Variants in CSMD3 observed in about 807,000 individuals in gnomAD.
CSMD3 encodes CUB and Sushi multiple domains 3, also known as CUB and sushi domain-containing protein 3.
A neutral mutation model predicts 435.2 loss-of-function variants in CSMD3; 177 were observed. The observed-to-expected ratio is 0.41, with a 90% CI of 0.36 to 0.46. CSMD3 has a LOEUF of 0.46. Among genes scored for constraint, CSMD3 ranks in the 20% least tolerant of loss-of-function variants. The pLI is 0.34. For synonymous variants in CSMD3, 1,656 were observed against 1,520.5 expected (o/e 1.09, Z -2.07); for missense variants, 4,265 against 4,504.6 (o/e 0.95, Z 1.52).
At chr8:113,215,977 G>C (rs1011193382) in intron 3 of CSMD3, among the ~76,000 whole-genome samples, 1 of 151,570 alleles carries the variant, frequency 6.6e-6, no homozygotes, top group African/African-American at 2.4e-5. Context: ...AAAAAGGCAG[G>C]GAGAACAGCA....
intron 31 of CSMD3, among the ~76,000 whole-genome samples, chr8:112,491,387 G>A (rs1274511828): frequency 6.6e-6 from 1 of 152,102 alleles, no homozygotes; most frequent in East Asian, 1.9e-4. Flanking sequence ...GGGTGCAGTG[G>A]CTCACTCCTG....
chr8:112,732,169 A>G (rs2077088987), intron 13 of CSMD3, among the ~76,000 whole-genome samples: 1 of 152,094 alleles, frequency 6.6e-6, no homozygotes, highest in Admixed American at 6.6e-5. Flanking sequence ...GCTATACTCT[A>G]GAGACCACAC....
chr8:113,248,843 A>AAAATT (rs1206697966), intron 3 of CSMD3, among the ~76,000 whole-genome samples: 1 of 151,960 alleles, frequency 6.6e-6, no homozygotes, highest in East Asian at 1.9e-4. Context: ...GAACTTTCTA[A>AAAATT]AAACAGCTTA....
chr8:113,022,480 T>C (rs940831812), intron 5 of CSMD3, among the ~76,000 whole-genome samples: 1 of 151,600 alleles, frequency 6.6e-6, no homozygotes, highest in Non-Finnish European at 1.5e-5. Flanking sequence ...TACAAACAAA[T>C]AAATAAATAA....
At chr8:112,389,729 C>G (rs772027276) in intron 36 of CSMD3, among the ~76,000 whole-genome samples, 2 of 152,094 alleles carry the variant, frequency 1.3e-5, no homozygotes, top group African/African-American at 2.4e-5. Flanking sequence ...AAGAAAAACT[C>G]TACAAATCAA....
At chr8:112,378,980 G>A (rs888167075) in intron 38 of CSMD3, among the ~76,000 whole-genome samples, 2 of 151,426 alleles carry the variant, frequency 1.3e-5, no homozygotes, top group African/African-American at 4.9e-5. Flanking sequence ...AAAACTGTTA[G>A]AACTAATAAA....
chr8:112,228,998 A>G (rs1313616527), intron 69 of CSMD3, 107 bp from the exon 70 acceptor site: 1 of 685,474 alleles, frequency 1.5e-6, no homozygotes, highest in African/African-American at 1.8e-5. Context: ...CTACCTGGAA[A>G]TCACATAGTA....
intron 3 of CSMD3, among the ~76,000 whole-genome samples, chr8:113,224,138 G>A (rs568253493): frequency 1.3e-5 from 2 of 151,128 alleles, no homozygotes; most frequent in African/African-American, 2.4e-5. Context: ...GGTGCTATTC[G>A]TTTTTGGTTA....
At chr8:112,594,700 C>G (rs1831524318) in intron 22 of CSMD3, among the ~76,000 whole-genome samples, 1 of 152,198 alleles carries the variant, frequency 6.6e-6, no homozygotes, top group Non-Finnish European at 1.5e-5. Flanking sequence ...AAGTGGGTCC[C>G]TAACCCCTGA....
chr8:112,477,465 T>C (rs973172073), intron 31 of CSMD3, among the ~76,000 whole-genome samples: 3 of 152,108 alleles, frequency 2.0e-5, no homozygotes, highest in African/African-American at 7.2e-5. Context: ...CATATTGAAA[T>C]GTAATCTCCA....
chr8:113,113,645 G>T, intron 4 of CSMD3, among the ~76,000 whole-genome samples: 1 of 152,242 alleles, frequency 6.6e-6, no homozygotes, highest in Admixed American at 6.5e-5. Context: ...ACATACTGTT[G>T]TTTCTGTCTC....
intron 4 of CSMD3, among the ~76,000 whole-genome samples, chr8:113,119,873 A>G (rs2090937714): frequency 1.3e-5 from 2 of 152,114 alleles, no homozygotes; most frequent in South Asian, 4.1e-4. Context: ...TGCATATAGA[A>G]CAATCATTAT....
chr8:113,314,346 A>G (rs576146290), intron 2 of CSMD3: 1 of 522,690 alleles, frequency 1.9e-6, no homozygotes, highest in Admixed American at 3.3e-5. Flanking sequence ...ACCACTCAAT[A>G]TATATTCACC....
intron 45 of CSMD3, among the ~76,000 whole-genome samples, chr8:112,326,557 C>T (rs16883437): frequency 0.2 from 30,595 of 152,046 alleles, 3,661 homozygotes; most frequent in East Asian, 0.37. Context: ...GGGTACATTC[C>T]GCTTGACAAA....
chr8:112,346,854 A>G (rs942298217), intron 40 of CSMD3, among the ~76,000 whole-genome samples: 3 of 151,198 alleles, frequency 2.0e-5, no homozygotes, highest in Non-Finnish European at 4.4e-5. Flanking sequence ...AATTTTTTGT[A>G]TTTTTAGTAG....
chr8:112,695,592 A>G (rs887453149), intron 13 of CSMD3, among the ~76,000 whole-genome samples: 1 of 152,220 alleles, frequency 6.6e-6, no homozygotes, highest in Non-Finnish European at 1.5e-5. Context: ...AAAAATAATA[A>G]GAGCTATCTA....
At chr8:112,256,492 G>C (rs1815813812) in intron 61 of CSMD3, among the ~76,000 whole-genome samples, 1 of 152,142 alleles carries the variant, frequency 6.6e-6, no homozygotes, top group South Asian at 2.1e-4. Flanking sequence ...AAACAGCACT[G>C]CCAAAGCCTT....
At chr8:112,347,659 T>C (rs1260522943) in intron 40 of CSMD3, among the ~76,000 whole-genome samples, 1 of 152,182 alleles carries the variant, frequency 6.6e-6, no homozygotes, top group African/African-American at 2.4e-5. Context: ...TTTTTTATGC[T>C]TCTGAAATCT....
chr8:112,506,891 T>A, intron 28 of CSMD3, 62 bp from the exon 29 acceptor site: 1 of 1,465,448 alleles, frequency 6.8e-7, no homozygotes, highest in Non-Finnish European at 9.4e-7. Flanking sequence ...TAGCTATCAA[T>A]ATTTTTGAAA....
Sources: allele counts gnomAD v4.1 joint callset (sites outside exome capture counted in the v4.1 genomes callset), GRCh38; gene constraint gnomAD v4.1.1; transcripts MANE v1.5; gene names NCBI Gene and HGNC (gene_info 2026-07-23, HGNC 2026-07-21).